Variants in CLNK observed in about 807,000 individuals in gnomAD.
CLNK encodes the protein cytokine-dependent hematopoietic cell linker.
Under a neutral mutation model 68.6 loss-of-function variants are expected in CLNK, and 74 were observed. The observed-to-expected ratio is 1.08, with a 90% confidence interval of 0.89 to 1.31. CLNK has a LOEUF of 1.31. Among genes scored for constraint, CLNK ranks in the 50% most tolerant of loss-of-function variants. The pLI is 0.00. For missense variants in CLNK, 553 were observed against 515.3 expected, an observed-to-expected ratio of 1.07 and a Z score of -0.71; for synonymous variants, 198 against 172.2, an observed-to-expected ratio of 1.15 and a Z score of -1.17.
intron 1 of CLNK, among the ~76,000 whole-genome samples, chr4:10,680,323 C>T (rs979752907): frequency 5.2e-5 from 7 of 135,180 alleles, no homozygotes; most frequent in African/African-American, 1.7e-4. Flanking sequence ...AGAATGAGAA[C>T]ACATGGACGC....
chr4:10,598,140 C>A, intron 2 of CLNK, 91 bp from the exon 3 acceptor site: 1 of 827,474 alleles, frequency 1.2e-6, no homozygotes, highest in African/African-American at 1.7e-5. Context: ...AAAGAGCCAC[C>A]CAGTCAGATT....
At chr4:10,588,896 C>T (rs1721081333) in intron 3 of CLNK, among the ~76,000 whole-genome samples, 1 of 151,618 alleles carries the variant, frequency 6.6e-6, no homozygotes, top group African/African-American at 2.4e-5. Context: ...ATAGTCAAAC[C>T]TATAGAGTGG....
At chr4:10,613,308 A>G (rs1722102340) in intron 2 of CLNK, among the ~76,000 whole-genome samples, 1 of 152,112 alleles carries the variant, frequency 6.6e-6, no homozygotes, top group African/African-American at 2.4e-5. Flanking sequence ...GCCTTGCTGG[A>G]AAGATGGGAA....
chr4:10,562,707 A>G (rs569794333), intron 7 of CLNK, among the ~76,000 whole-genome samples: 6 of 152,242 alleles, frequency 3.9e-5, no homozygotes, highest in South Asian at 4.1e-4. Context: ...TCCGGTCACA[A>G]GAATGTTTTA....
At chr4:10,643,729 T>C (rs894574275) in intron 2 of CLNK, among the ~76,000 whole-genome samples, 3 of 152,222 alleles carry the variant, frequency 2.0e-5, no homozygotes, top group African/African-American at 7.2e-5. Context: ...AAAATACCAA[T>C]TCAGTTGTAA....
At chr4:10,513,819 CT>C (rs200731066) in intron 15 of CLNK, among the ~76,000 whole-genome samples, 3,187 of 138,138 alleles carry the variant, frequency 0.023, 112 homozygotes, top group East Asian at 0.15. Context: ...CCAGAGTCAT[CT>C]TTTTTTTTTT....
intron 3 of CLNK, among the ~76,000 whole-genome samples, chr4:10,595,273 A>G (rs562111060): frequency 2.2e-4 from 33 of 152,226 alleles, no homozygotes; most frequent in Non-Finnish European, 4.3e-4. Flanking sequence ...TCAAAGCATT[A>G]TGGTGAAGAC....
intron 2 of CLNK, among the ~76,000 whole-genome samples, chr4:10,601,135 C>T (rs927852226): frequency 6.6e-6 from 1 of 152,034 alleles, no homozygotes; most frequent in Admixed American, 6.5e-5. Flanking sequence ...GAAACGGGAC[C>T]CTAGAGTGGA....
chr4:10,663,928 G>A (rs981370165), intron 2 of CLNK, among the ~76,000 whole-genome samples: 17 of 152,210 alleles, frequency 1.1e-4, no homozygotes, highest in African/African-American at 3.4e-4. Flanking sequence ...GCAAGCAGAC[G>A]GCTGTCTATG....
chr4:10,519,950 AAG>A (rs1438489194), intron 15 of CLNK, among the ~76,000 whole-genome samples: 7 of 152,170 alleles, frequency 4.6e-5, no homozygotes, highest in African/African-American at 1.7e-4. Context: ...TCTTACTATA[AAG>A]AGAGAGATAG....
intron 2 of CLNK, among the ~76,000 whole-genome samples, chr4:10,601,681 G>A (rs1240827594): frequency 6.6e-6 from 1 of 152,190 alleles, no homozygotes; most frequent in Non-Finnish European, 1.5e-5. Flanking sequence ...TACCCCACCT[G>A]GGGAGGACAG....
At chr4:10,618,097 C>G (rs536700211) in intron 2 of CLNK, among the ~76,000 whole-genome samples, 2 of 152,206 alleles carry the variant, frequency 1.3e-5, no homozygotes, top group African/African-American at 4.8e-5. Context: ...TAGTATTATC[C>G]ATAAGAGCCT....
At chr4:10,679,894 T>C (rs965943680) in intron 1 of CLNK, among the ~76,000 whole-genome samples, 4 of 152,002 alleles carry the variant, frequency 2.6e-5, no homozygotes, top group African/African-American at 7.3e-5. Flanking sequence ...TGTGGAGAAA[T>C]AGGAACACTT....
At chr4:10,510,725 A>C (rs1195766875) in intron 16 of CLNK, among the ~76,000 whole-genome samples, 1 of 152,212 alleles carries the variant, frequency 6.6e-6, no homozygotes, top group Non-Finnish European at 1.5e-5. Flanking sequence ...GGTCTCCACA[A>C]GGCCTTATCT....
chr4:10,651,304 C>A (rs963755092), intron 2 of CLNK, among the ~76,000 whole-genome samples: 1 of 152,160 alleles, frequency 6.6e-6, no homozygotes, highest in Admixed American at 6.5e-5. Flanking sequence ...AACCCAAATG[C>A]CCATCAATGA....
At chr4:10,676,592 G>A (rs946945757) in intron 1 of CLNK, among the ~76,000 whole-genome samples, 8 of 151,938 alleles carry the variant, frequency 5.3e-5, no homozygotes, top group Admixed American at 5.2e-4. Context: ...GCAATCTATA[G>A]TTTCTGAATT....
the CLNK span, among the ~76,000 whole-genome samples, chr4:10,691,739 T>C: frequency 6.6e-6 from 1 of 152,170 alleles, no homozygotes; most frequent in East Asian, 1.9e-4. Context: ...GTCTCCAAAT[T>C]GGCAGGACAA....
At chr4:10,558,071 T>G (rs142066022) in intron 8 of CLNK, among the ~76,000 whole-genome samples, 2 of 152,370 alleles carry the variant, frequency 1.3e-5, no homozygotes, top group African/African-American at 2.4e-5. Context: ...AAAATTAGAT[T>G]TCTATCTTGT....
intron 16 of CLNK, among the ~76,000 whole-genome samples, chr4:10,512,259 C>G (rs1717621184): frequency 6.7e-6 from 1 of 149,082 alleles, no homozygotes. Flanking sequence ...GTGATGAAGT[C>G]TAGCTCTGTT....
Sources: gnomAD v4.1 joint callset for allele counts (sites outside exome capture counted in the v4.1 genomes callset) on GRCh38, gnomAD v4.1.1 for gene constraint, MANE v1.5 for transcripts, NCBI Gene and HGNC (gene_info 2026-07-23, HGNC 2026-07-21) for gene names.